Variants in LBP observed in about 807,000 individuals in gnomAD.
LBP encodes the protein lipopolysaccharide binding protein.
In LBP, 53 loss-of-function variants were observed where a neutral mutation model predicts 56.6. That is an observed-to-expected ratio of 0.94 (90% CI 0.75 to 1.18). The LOEUF (loss-of-function observed/expected upper bound fraction) is 1.18, where lower values mean the gene tolerates loss of function less well. LBP is among the 50% of genes most tolerant of loss of function. LBP has a pLI of 0.00. For synonymous variants in LBP, 227 were observed against 247.5 expected (o/e 0.92, Z 0.78); for missense variants, 601 against 598.3 (o/e 1.00, Z -0.05).
At chr20:38,360,663 CT>C in intron 5 of LBP, 40 bp from the exon 6 acceptor site, 1 of 1,427,566 alleles carries the variant, frequency 7.0e-7, no homozygotes, top group Non-Finnish European at 9.9e-7. Flanking sequence ...CAGACCAGAG[CT>C]GGGGAACTCA....
At position 38,368,978 on chromosome 20, in the gene LBP, C is replaced by T. The variant is rs763623232; in HGVS notation, c.982-17C>T. On this transcript the variant is annotated splice_polypyrimidine_tract_variant and intron_variant, in intron 9 of 14. Coordinates refer to ENST00000217407, the MANE Select transcript of LBP (RefSeq NM_004139.5). The stretch of plus-strand genomic sequence containing the variant: ...ATATTTTCTTCTCTTGATGTAATCT[C>T]CTAATTCTGCTCCCAGTTAGCCAGG... 6.2e-7 allele frequency: 1 copy of T among 1,613,158 alleles called. No individual in the cohort carries two copies. Among genetic ancestry groups the T allele is most frequent in the Non-Finnish European group, 8.5e-7 (1 of 1,179,156 alleles).
intron 1 of LBP, among the ~76,000 whole-genome samples, chr20:38,348,546 C>T (rs2076808843): frequency 6.6e-6 from 1 of 152,140 alleles, no homozygotes; most frequent in Non-Finnish European, 1.5e-5. Flanking sequence ...GATCCACCCG[C>T]CTCGGCCTCC....
intron 6 of LBP, 94 bp from the exon 7 acceptor site, chr20:38,363,881 T>C (rs1189343598): frequency 1.1e-6 from 1 of 875,094 alleles, no homozygotes; most frequent in Admixed American, 1.9e-5. Flanking sequence ...CTGAAGAAAG[T>C]CACAGGGAAT....
intron 3 of LBP, among the ~76,000 whole-genome samples, chr20:38,352,077 C>T (rs913774485): frequency 2.6e-5 from 4 of 151,798 alleles, no homozygotes; most frequent in Non-Finnish European, 4.4e-5. Flanking sequence ...AAAGAAACCC[C>T]GTTTCTCTCT....
At position 38,371,301 on chromosome 20, in the gene LBP, A is replaced by G. The variant is rs149339376; in HGVS notation, c.1239A>G (p.Glu413=). Reference sequence around the variant, plus strand: ...ACAGGGTAAAAGTGGAACTGAAAGAATCCAAAGTTGGACTATTCAATGTAA... The same window carrying G: ...ACAGGGTAAAAGTGGAACTGAAAGAGTCCAAAGTTGGACTATTCAATGTAA... ...KPGKVKVELK[E]SKVGLFNAEL... Residue 413 remains glutamate (E), a synonymous_variant, in exon 12 of 15, where the codon GAA becomes GAG. Coordinates refer to ENST00000217407, the MANE Select transcript of LBP (RefSeq NM_004139.5). 254 of 1,610,296 alleles carry G rather than the reference A, an allele frequency of 1.6e-4. No homozygotes were observed. Among genetic ancestry groups the G allele is most frequent in the Non-Finnish European group, 2.1e-4 (246 of 1,176,928 alleles).
At chr20:38,364,546 A>C (rs763142917) in intron 7 of LBP, 30 bp from the exon 8 acceptor site, 1 of 1,612,338 alleles carries the variant, frequency 6.2e-7, no homozygotes, top group South Asian at 1.1e-5. Flanking sequence ...GGCTTTGAAA[A>C]GTCCAATTGG....
chr20:38,366,186 A>G (rs966334807), intron 8 of LBP, among the ~76,000 whole-genome samples: 23 of 152,200 alleles, frequency 1.5e-4, no homozygotes, highest in Admixed American at 1.2e-3. Context: ...TTACCCTGGT[A>G]TAAGTCAGGG....
intron 14 of LBP, among the ~76,000 whole-genome samples, chr20:38,376,118 A>G (rs2122632281): frequency 6.6e-6 from 1 of 152,336 alleles, no homozygotes; most frequent in East Asian, 1.9e-4. Context: ...CTTCTAGCTC[A>G]ATGTTTGACA....
At chr20:38,369,907 G>A (rs6092380) in intron 10 of LBP, among the ~76,000 whole-genome samples, 7,142 of 152,130 alleles carry the variant, frequency 0.047, 369 homozygotes, top group Middle Eastern at 0.15. Flanking sequence ...GGGATGTTGG[G>A]TCCTTTGGGG....
At chr20:38,371,213 G>A in intron 11 of LBP, 67 bp from the exon 12 acceptor site, 1 of 1,347,532 alleles carries the variant, frequency 7.4e-7, no homozygotes, top group South Asian at 1.2e-5. Context: ...TCTCGCTTCT[G>A]GGGACCCCCG....
chr20:38,363,515 A>G (rs1228629849), intron 6 of LBP, among the ~76,000 whole-genome samples: 6 of 152,172 alleles, frequency 3.9e-5, no homozygotes, highest in Non-Finnish European at 8.8e-5. Context: ...CTAAGCCCCT[A>G]TGCGGTTATT....
rs2076909583 is a variant in LBP at position 38,374,011 on chromosome 20, A to G, written c.1399A>G (p.Lys467Glu). 1.9e-6 allele frequency: 3 copies of G among 1,613,928 alleles called. No homozygotes were observed. Among genetic ancestry groups the G allele is most frequent in the Non-Finnish European group, 2.5e-6 (3 of 1,179,900 alleles). ...QLYDLGLQIH[K>E]DFLFLGANVQ... Reference sequence around the variant, plus strand: ...CTACGACCTTGGGCTGCAGATCCATAAGGTCGGTGGGTTCAGGGGGGCTCT... The same window carrying G: ...CTACGACCTTGGGCTGCAGATCCATGAGGTCGGTGGGTTCAGGGGGGCTCT... Residue 467 changes from lysine (K) to glutamate (E), a missense_variant and splice_region_variant, in exon 14 of 15, where the codon AAG becomes GAG. Transcript: ENST00000217407.
chr20:38,356,033 A>G (rs1349465800), intron 5 of LBP, among the ~76,000 whole-genome samples: 2 of 149,870 alleles, frequency 1.3e-5, no homozygotes, highest in African/African-American at 5.0e-5. Context: ...GAAGGGAGAA[A>G]GTGATGGAGG....
chr20:38,349,476 G>T, intron 1 of LBP, 72 bp from the exon 2 acceptor site: 1 of 1,136,462 alleles, frequency 8.8e-7, no homozygotes, highest in Non-Finnish European at 1.3e-6. Flanking sequence ...ACAGGTGGGA[G>T]CCACCGTAGG....
At chr20:38,349,778 C>T (rs1040425794) in intron 2 of LBP, 116 bp downstream of exon 2, 20 of 719,184 alleles carry the variant, frequency 2.8e-5, no homozygotes, top group Non-Finnish European at 4.1e-5. Context: ...CTCTCCGGGG[C>T]AGACAGTGGG....
chr20:38,364,801 C>T, intron 8 of LBP, 49 bp downstream of exon 8: 1 of 1,510,450 alleles, frequency 6.6e-7, no homozygotes, highest in Non-Finnish European at 9.0e-7. Flanking sequence ...TAACCTACCG[C>T]TCCTTCCTTC....
At chr20:38,354,947 T>C (rs935405488) in intron 4 of LBP, among the ~76,000 whole-genome samples, 1 of 152,200 alleles carries the variant, frequency 6.6e-6, no homozygotes, top group Non-Finnish European at 1.5e-5. Context: ...CCAGGCATGA[T>C]GGCACATGCC....
rs112548545 is a variant in LBP, at chr20:38,364,753, G to A, written c.921+1G>A. On this transcript the variant is annotated splice_donor_variant, in intron 8 of 14. Transcript: ENST00000217407. LOFTEE classifies it high-confidence loss of function. ...GAACTTCTCCATCACAGATGACATG[G>A]TGAGGATGGTGGCAAACAGGTCTCT... The A allele has an allele frequency of 6.2e-7, 1 of 1,602,940 alleles. No individual in the cohort carries two copies.
intron 5 of LBP, among the ~76,000 whole-genome samples, chr20:38,356,305 A>G (rs2076839564): frequency 1.6e-5 from 2 of 128,194 alleles, no homozygotes; most frequent in African/African-American, 6.0e-5. Flanking sequence ...CACCCTACAC[A>G]CACAAAACAC....
Sources: allele counts gnomAD v4.1 joint callset (sites outside exome capture counted in the v4.1 genomes callset), GRCh38; gene constraint gnomAD v4.1.1; transcripts MANE v1.5; gene names NCBI Gene and HGNC (gene_info 2026-07-23, HGNC 2026-07-21).